The following FARS2 variants were observed in gnomAD, a reference collection of about 807,000 sequenced individuals.
The protein encoded by FARS2 is phenylalanyl-tRNA synthetase 2, mitochondrial.
FARS2 carries 40 observed loss-of-function variants against 46.4 expected under a neutral mutation model. The ratio of observed to expected loss-of-function variants is 0.86; its 90% CI spans 0.67 to 1.12. FARS2 has a LOEUF of 1.12. FARS2 is among the 50% of genes most tolerant of loss of function. The pLI, the probability that FARS2 is intolerant of heterozygous loss-of-function variation, is 0.00. For missense variants in FARS2, 513 were observed against 567.9 expected (o/e 0.90, Z 0.98); for synonymous variants, 234 against 214.9 (o/e 1.09, Z -0.78).
chr6:5,416,539 C>G (rs1762250369), intron 3 of FARS2, among the ~76,000 whole-genome samples: 1 of 152,136 alleles, frequency 6.6e-6, no homozygotes, highest in Non-Finnish European at 1.5e-5. Flanking sequence ...ATCACAGTAG[C>G]TTTATAATGC....
At chr6:5,662,719 C>T (rs1777907195) in intron 6 of FARS2, among the ~76,000 whole-genome samples, 1 of 152,156 alleles carries the variant, frequency 6.6e-6, no homozygotes, top group African/African-American at 2.4e-5. Flanking sequence ...GAGAAGCTAG[C>T]AAAGTAGAAT....
intron 1 of FARS2, among the ~76,000 whole-genome samples, chr6:5,275,990 G>A (rs1031241341): frequency 6.6e-6 from 1 of 152,074 alleles, no homozygotes; most frequent in Non-Finnish European, 1.5e-5. Context: ...CTTTTGGATA[G>A]CACTAGAAGC....
chr6:5,743,367 G>C (rs941754892), intron 6 of FARS2, among the ~76,000 whole-genome samples: 3 of 152,182 alleles, frequency 2.0e-5, no homozygotes, highest in African/African-American at 7.2e-5. Flanking sequence ...GGGGGTGCTG[G>C]CCACAAGCTC....
intron 4 of FARS2, among the ~76,000 whole-genome samples, chr6:5,537,626 C>A (rs1025877673): frequency 2.0e-5 from 3 of 152,144 alleles, no homozygotes; most frequent in African/African-American, 7.2e-5. Flanking sequence ...CCCGGGCTTC[C>A]TCTCGAGTTG....
intron 4 of FARS2, among the ~76,000 whole-genome samples, chr6:5,459,514 G>A (rs1339614541): frequency 1.3e-5 from 2 of 152,010 alleles, no homozygotes; most frequent in African/African-American, 4.8e-5. Flanking sequence ...ACCTTTGTGG[G>A]CGGTGGTGGA....
chr6:5,416,471 C>G (rs979794397), intron 3 of FARS2, among the ~76,000 whole-genome samples: 1 of 152,212 alleles, frequency 6.6e-6, no homozygotes, highest in African/African-American at 2.4e-5. Flanking sequence ...TCTGGACTCT[C>G]TATTCTGTTC....
intron 4 of FARS2, among the ~76,000 whole-genome samples, chr6:5,465,210 A>G (rs1053954365): frequency 6.6e-6 from 1 of 152,218 alleles, no homozygotes; most frequent in African/African-American, 2.4e-5. Flanking sequence ...TCTGCTTTTA[A>G]TAGTTAATTT....
intron 2 of FARS2, among the ~76,000 whole-genome samples, chr6:5,379,205 G>A (rs1426834753): frequency 6.6e-6 from 1 of 152,160 alleles, no homozygotes; most frequent in Non-Finnish European, 1.5e-5. Context: ...ATTCTGCACA[G>A]AACAGCAATG....
chr6:5,506,697 G>A (rs1052466021), intron 4 of FARS2, among the ~76,000 whole-genome samples: 3 of 152,194 alleles, frequency 2.0e-5, no homozygotes, highest in African/African-American at 7.2e-5. Context: ...GCTTTGAGGG[G>A]AAAGAGCAGA....
At chr6:5,263,221 A>C (rs1420264200) in intron 1 of FARS2, among the ~76,000 whole-genome samples, 1 of 152,256 alleles carries the variant, frequency 6.6e-6, no homozygotes, top group Non-Finnish European at 1.5e-5. Flanking sequence ...TCATTAACGT[A>C]CATAATTAAT....
chr6:5,504,375 G>A (rs1184710506), intron 4 of FARS2, among the ~76,000 whole-genome samples: 1 of 148,912 alleles, frequency 6.7e-6, no homozygotes, highest in Non-Finnish European at 1.5e-5. Flanking sequence ...CCTATACACT[G>A]AGTGGAAGCA....
chr6:5,441,449 T>C (rs1166859386), intron 4 of FARS2, among the ~76,000 whole-genome samples: 2 of 152,232 alleles, frequency 1.3e-5, no homozygotes, highest in African/African-American at 4.8e-5. Context: ...AGTTTTACTA[T>C]TTATATTGTA....
chr6:5,554,866 C>T (rs1401792610), intron 5 of FARS2, among the ~76,000 whole-genome samples: 3 of 152,144 alleles, frequency 2.0e-5, no homozygotes, highest in Non-Finnish European at 2.9e-5. Context: ...GTTGCCTATA[C>T]CAAGCTGCTG....
intron 2 of FARS2, among the ~76,000 whole-genome samples, chr6:5,389,351 C>G (rs1392954799): frequency 6.6e-6 from 1 of 152,188 alleles, no homozygotes; most frequent in East Asian, 1.9e-4. Flanking sequence ...CTGTCTCTCT[C>G]TCTCTCCTCT....
At chr6:5,459,428 T>G (rs565046763) in intron 4 of FARS2, among the ~76,000 whole-genome samples, 1 of 152,310 alleles carries the variant, frequency 6.6e-6, no homozygotes, top group Admixed American at 6.5e-5. Context: ...TTTGATTTTC[T>G]TATATTATTC....
chr6:5,691,292 GCT>G (rs1757697232), intron 6 of FARS2, among the ~76,000 whole-genome samples: 1 of 152,120 alleles, frequency 6.6e-6, no homozygotes, highest in South Asian at 2.1e-4. Context: ...CAGTTTTGCT[GCT>G]CTGTTTTTTC....
intron 2 of FARS2, among the ~76,000 whole-genome samples, chr6:5,383,910 G>A (rs1346575370): frequency 6.6e-6 from 1 of 152,148 alleles, no homozygotes; most frequent in African/African-American, 2.4e-5. Flanking sequence ...CTGGCATCAT[G>A]AATGAGCTGT....
intron 4 of FARS2, among the ~76,000 whole-genome samples, chr6:5,458,314 G>C (rs527708539): frequency 1.3e-5 from 2 of 152,336 alleles, no homozygotes; most frequent in Admixed American, 1.3e-4. Flanking sequence ...AAACACCTGA[G>C]GCCCTTCCAG....
intron 6 of FARS2, among the ~76,000 whole-genome samples, chr6:5,699,094 C>T (rs1274174047): frequency 6.6e-6 from 1 of 152,184 alleles, no homozygotes; most frequent in African/African-American, 2.4e-5. Flanking sequence ...CTTTGGGATC[C>T]TGGTAGGGCC....
Sources: allele counts gnomAD v4.1 joint callset (sites outside exome capture counted in the v4.1 genomes callset), GRCh38; gene constraint gnomAD v4.1.1; transcripts MANE v1.5; gene names NCBI Gene and HGNC (gene_info 2026-07-23, HGNC 2026-07-21).